The following SCD variants were observed in gnomAD, a reference collection of about 807,000 sequenced individuals.
SCD encodes acyl-CoA desaturase.
In SCD, 4 loss-of-function variants were observed where a neutral mutation model predicts 35.7. The ratio of observed to expected loss-of-function variants is 0.11; its 90% CI spans 0.06 to 0.26. The LOEUF (loss-of-function observed/expected upper bound fraction) is 0.26. Ranked by LOEUF, SCD falls within the 10% of genes least tolerant of loss-of-function variation. The pLI, the probability that SCD is intolerant of heterozygous loss-of-function variation, is 1.00. For synonymous variants in SCD, 150 were observed against 170.2 expected (o/e 0.88, Z 0.92); for missense variants, 282 against 460.7 (o/e 0.61, Z 3.55).
rs528135098 is a variant in SCD, at chr10:100,352,310, T to G, written c.311-56T>G. 1 of 1,578,074 alleles carries G rather than the reference T, an allele frequency of 6.3e-7. No individual in the cohort carries two copies. Among genetic ancestry groups the G allele is most frequent in the South Asian group, 1.1e-5 (1 of 88,942 alleles). On this transcript the variant is annotated intron_variant, in intron 2 of 5. Coordinates refer to ENST00000370355, the MANE Select transcript of SCD (RefSeq NM_005063.5). The surrounding 1 kb of genome is among the most constrained non-coding windows in gnomAD (Gnocchi z 4.2). ...CATCCAGAGAGTGTCTCTGGCATCC[T>G]TTCCCAGATGGAACTCACACTGATT...
rs1189669322 is a variant in SCD at position 100,363,794 on chromosome 10, A to G, written c.*2861A>G. 1 of 152,554 alleles carries G rather than the reference A, an allele frequency of 6.6e-6. No individual in the cohort carries two copies. The highest frequency in any genetic ancestry group is 6.6e-5 in the Admixed American group (1 of 15,258). The allele number at this position is 152,554 out of a possible 1,614,324, so 9.5% of individuals were successfully genotyped here. ...CAATTCAAGTGACACATTAATGATA[A>G]ACTCAGATCTGATCAAGAGTCCGGA... On this transcript the variant is annotated 3_prime_UTR_variant, in exon 6 of 6. Coordinates refer to ENST00000370355, the MANE Select transcript of SCD (RefSeq NM_005063.5).
rs1410359621 is a variant in SCD, at chr10:100,356,189, G to A, written c.648-343G>A. Among the ~76,000 whole-genome samples the A allele has an allele frequency of 6.6e-6, 1 of 152,042 alleles. No homozygotes were observed. Among genetic ancestry groups the A allele is most frequent in the African/African-American group, 2.4e-5 (1 of 41,384 alleles). The stretch of plus-strand genomic sequence containing the variant: ...GTTCAGGCATTCGAGACCAGCCTGG[G>A]CAACATAGTGAGACCTCATCTCTAC... On this transcript the variant is annotated intron_variant, in intron 4 of 5. Coordinates refer to ENST00000370355, the MANE Select transcript of SCD (RefSeq NM_005063.5). This position sits in a 1 kb window ranked among gnomAD's most constrained non-coding sequence, Gnocchi z 4.1.
chr10:100,356,540 A>T lies in SCD; in HGVS notation c.656A>T (p.Lys219Ile). Residue 219 changes from lysine to isoleucine, a missense_variant, in exon 5 of 6, where the codon AAA becomes ATA. By Grantham distance (102) the Lys-to-Ile change is moderately radical. Coordinates refer to ENST00000370355, the MANE Select transcript of SCD (RefSeq NM_005063.5). This position sits in a 1 kb window ranked among gnomAD's most constrained non-coding sequence, Gnocchi z 4.1. ...CTGGTCTGTCAATGTAGGTACTACAAACCTGGCTTGCTGATGATGTGCTTC... is the reference window on the plus strand; with the variant it reads ...CTGGTCTGTCAATGTAGGTACTACATACCTGGCTTGCTGATGATGTGCTTC... ...KLVMFQRRYYKPGLLMMCFIL... is the reference protein window; with the variant it reads ...KLVMFQRRYYIPGLLMMCFIL... The T allele has an allele frequency of 6.2e-7, 1 of 1,613,954 alleles. No homozygotes were observed. The highest frequency in any genetic ancestry group is 8.5e-7 in the Non-Finnish European group (1 of 1,179,830).
chr10:100,358,577 C>T (rs1014335223), intron 5 of SCD, among the ~76,000 whole-genome samples: 5 of 124,028 alleles, frequency 4.0e-5, no homozygotes, highest in African/African-American at 1.2e-4. Context: ...CCGGCCTGGG[C>T]GACAGAGCGA....
At position 100,360,824 on chromosome 10, in the gene SCD, T is replaced by C; in HGVS notation, c.971T>C (p.Ile324Thr). The C allele has an allele frequency of 1.2e-6, 2 of 1,613,980 alleles. No homozygotes were observed. Among genetic ancestry groups the C allele is most frequent in the Non-Finnish European group, 1.7e-6 (2 of 1,179,864 alleles). ...RWHINFTTFF[I>T]DCMAALGLAY... ...CACATCAACTTCACCACATTCTTCA[T>C]TGATTGCATGGCCGCCCTCGGTCTG... Residue 324 changes from isoleucine to threonine, a missense_variant, in exon 6 of 6, where the codon ATT (isoleucine) becomes ACT (threonine). Physicochemically the swap from Ile to Thr is moderately conservative, Grantham distance 89. This residue lies in a region of SCD where 205 missense variants were observed against 372.3 expected (regional missense o/e 0.55). Coordinates refer to ENST00000370355, the MANE Select transcript of SCD (RefSeq NM_005063.5).
chr10:100,355,835 CAG>C lies in SCD; in HGVS notation c.648-692_648-691del, dbSNP rs376611839. Among the ~76,000 whole-genome samples, 493 of 152,224 alleles carry C rather than the reference CAG, an allele frequency of 3.2e-3. 3 individuals are homozygous for C. Among genetic ancestry groups the C allele is most frequent in the Admixed American group, 6.4e-3 (98 of 15,284 alleles). ...GACTGAGAAAGGGCTTCCTGAGGGA[CAG>C]AGAGCTGCAGGTGATCAAGGACACT... On this transcript the variant is annotated intron_variant, in intron 4 of 5. Transcript: ENST00000370355.
chr10:100,357,236 T>C (rs986360912), intron 5 of SCD, among the ~76,000 whole-genome samples: 3 of 152,220 alleles, frequency 2.0e-5, no homozygotes, highest in African/African-American at 7.2e-5. Context: ...TCATCAACTC[T>C]GGGCTGGACT....
intron 2 of SCD, among the ~76,000 whole-genome samples, chr10:100,350,501 T>G (rs1849859641): frequency 6.6e-6 from 1 of 152,040 alleles, no homozygotes; most frequent in Non-Finnish European, 1.5e-5. Flanking sequence ...CATTCAAGTC[T>G]CTTTCTTAAG....
At position 100,347,501 on chromosome 10, in the gene SCD, C is replaced by T. The variant is rs779835138; in HGVS notation, c.-4C>T. 6.2e-7 allele frequency: 1 copy of T among 1,613,958 alleles called. No homozygotes were observed. Among genetic ancestry groups the T allele is most frequent in the African/African-American group, 1.3e-5 (1 of 75,058 alleles). On this transcript the variant is annotated 5_prime_UTR_variant, in exon 1 of 6. Transcript: ENST00000370355. ...GAAAGTGATCCCGGCATCCGAGAGC[C>T]AAGATGCCGGCCCACTTGCTGCAGG... is the stretch of plus-strand genomic sequence containing the variant.
chr10:100,349,592 C>T (rs1849849807), intron 2 of SCD, among the ~76,000 whole-genome samples: 1 of 152,188 alleles, frequency 6.6e-6, no homozygotes, highest in Non-Finnish European at 1.5e-5. Context: ...TGAAATGCAA[C>T]TGAGAAGAGC....
chr10:100,355,570 C>T (rs12247426), intron 4 of SCD, among the ~76,000 whole-genome samples: 1 of 152,074 alleles, frequency 6.6e-6, no homozygotes, highest in Non-Finnish European at 1.5e-5. Flanking sequence ...GGCATAGTTA[C>T]GGACGTGCTT....
At chr10:100,354,751 C>T in intron 4 of SCD, 119 bp downstream of exon 4, 1 of 764,940 alleles carries the variant, frequency 1.3e-6, no homozygotes, top group South Asian at 1.7e-5. Context: ...TTTGCATGTT[C>T]ACAATCTTAA....
intron 2 of SCD, among the ~76,000 whole-genome samples, chr10:100,349,970 G>C (rs1162202940): frequency 6.6e-6 from 1 of 151,994 alleles, no homozygotes; most frequent in Non-Finnish European, 1.5e-5. Flanking sequence ...CCCCCTGTAG[G>C]TTTCCTGAAG....
intron 2 of SCD, among the ~76,000 whole-genome samples, chr10:100,351,164 G>C (rs1849868175): frequency 6.6e-6 from 1 of 152,210 alleles, no homozygotes; most frequent in Non-Finnish European, 1.5e-5. Context: ...CAAGGCCACA[G>C]CTTCTGCCTG....
chr10:100,354,383 G>C (rs1315067592), intron 3 of SCD, 44 bp from the exon 4 acceptor site: 8 of 1,529,576 alleles, frequency 5.2e-6, no homozygotes, highest in Non-Finnish European at 7.2e-6. Context: ...TCCTAATAGG[G>C]TGTCTATCCT....
At chr10:100,354,694 T>G in intron 4 of SCD, 62 bp downstream of exon 4, 1 of 1,290,330 alleles carries the variant, frequency 7.7e-7, no homozygotes. Flanking sequence ...AGGGACCCCA[T>G]TTTTTCTCCT....
At position 100,360,999 on chromosome 10, in the gene SCD, A is replaced by G. The variant is rs200593770; in HGVS notation, c.*66A>G. 99 of 1,305,692 alleles carry G rather than the reference A, an allele frequency of 7.6e-5. No homozygotes were observed. Among genetic ancestry groups the G allele is most frequent in the Non-Finnish European group, 1.0e-4 (92 of 914,886 alleles). The allele number at this position is 1,305,692 out of a possible 1,614,324, so 80.9% of individuals were successfully genotyped here. ...GCAGAGGTTTTAATGTCTGTTTATT[A>G]ACTACTGAATAATGCTACCAGGATG... On this transcript the variant is annotated 3_prime_UTR_variant, in exon 6 of 6. Coordinates refer to ENST00000370355, the MANE Select transcript of SCD (RefSeq NM_005063.5).
At chr10:100,354,402 A>T (rs909351088) in intron 3 of SCD, 25 bp from the exon 4 acceptor site, 1 of 1,600,656 alleles carries the variant, frequency 6.2e-7, no homozygotes, top group Admixed American at 1.7e-5. Flanking sequence ...CTCAAGCCTT[A>T]CATTCCTCTT....
chr10:100,354,886 C>A (rs922233449), intron 4 of SCD, among the ~76,000 whole-genome samples: 2 of 152,168 alleles, frequency 1.3e-5, no homozygotes, highest in Admixed American at 6.5e-5. Flanking sequence ...CTAGGACAGT[C>A]ATAGATTCAA....
Sources: allele counts gnomAD v4.1 joint callset (sites outside exome capture counted in the v4.1 genomes callset), GRCh38; gene constraint gnomAD v4.1.1; regional missense constraint gnomAD v4.1.1; non-coding constraint Gnocchi (gnomAD v3.1); transcripts MANE v1.5; gene names NCBI Gene and HGNC (gene_info 2026-07-23, HGNC 2026-07-21).